Variants in UBXN6 observed in about 807,000 individuals in gnomAD.
UBXN6 encodes UBX domain protein 6.
In UBXN6, 44 loss-of-function variants were observed where a neutral mutation model predicts 51.4. That is an observed-to-expected ratio of 0.86 (90% CI 0.67 to 1.10). The LOEUF is 1.10. UBXN6 is among the 50% of genes least tolerant of loss of function. The pLI is 0.00. For synonymous variants in UBXN6, 316 were observed against 263.2 expected, an observed-to-expected ratio of 1.20 and a Z score of -1.94; for missense variants, 672 against 596.1, an observed-to-expected ratio of 1.13 and a Z score of -1.32.
rs1599670466 is a variant in UBXN6 at position 4,445,059 on chromosome 19, T to C, written c.*439A>G. ...TTATGATTTACTAACTGCAGGTCTA[T>C]GTGCAGGAAGGCCAGCATCCCCTCC... On this transcript the variant is annotated 3_prime_UTR_variant, in exon 11 of 11. Transcript: ENST00000301281. The C allele has an allele frequency of 5.6e-6, 1 of 179,242 alleles. No individual in the cohort carries two copies. The highest frequency in any genetic ancestry group is 5.6e-5 in the Admixed American group (1 of 17,854). The allele number at this position is 179,242 out of a possible 1,614,324, so 11.1% of individuals were successfully genotyped here.
chr19:4,457,806 A>T (rs1409036028), upstream of UBXN6: 563 of 575,036 alleles, frequency 9.8e-4, 15 homozygotes, highest in Admixed American at 5.8e-3. Flanking sequence ...AAAAAAAAAA[A>T]AAAAAAAAAA....
intron 1 of UBXN6, among the ~76,000 whole-genome samples, chr19:4,454,629 C>T (rs1341315188): frequency 1.3e-5 from 2 of 152,152 alleles, no homozygotes; most frequent in African/African-American, 4.8e-5. Context: ...GTAGCTCAGG[C>T]TGGTCTCGAA....
At chr19:4,449,349 C>G (rs1465538248) in intron 4 of UBXN6, 1 of 153,014 alleles carries the variant, frequency 6.5e-6, no homozygotes, top group Non-Finnish European at 1.5e-5. Context: ...CACCCCCCAC[C>G]CTCAACTGCA....
In UBXN6 at chr19:4,445,427, G is replaced by C. The variant is rs1414906854; in HGVS notation, c.*71C>G. On this transcript the variant is annotated 3_prime_UTR_variant, in exon 11 of 11. Coordinates refer to ENST00000301281, the MANE Select transcript of UBXN6 (RefSeq NM_025241.3). ...TTTCCAGAGGTGGCTTGGAGGCCCT[G>C]GGGTGGCGGGGAGAGGAACAGGGAG... 2 of 1,598,740 alleles carry C rather than the reference G, an allele frequency of 1.3e-6. No homozygotes were observed. Among genetic ancestry groups the C allele is most frequent in the South Asian group, 2.2e-5 (2 of 89,846 alleles).
intron 6 of UBXN6, 58 bp downstream of exon 6, chr19:4,447,492 T>G (rs1974559382): frequency 6.3e-7 from 1 of 1,597,088 alleles, no homozygotes; most frequent in Non-Finnish European, 8.6e-7. Context: ...CACCGGCTCC[T>G]GCAGGCCAGC....
chr19:4,447,364 T>C lies in UBXN6; in HGVS notation c.615+186A>G, dbSNP rs567775740. On this transcript the variant is annotated intron_variant, in intron 6 of 10. Coordinates refer to ENST00000301281, the MANE Select transcript of UBXN6 (RefSeq NM_025241.3). ...GAATTTGTTGATTTGGGGTGACCGG[T>C]GCATAAAAGTCTTGCTCTCCATCTT... 77 of 621,328 alleles carry C rather than the reference T, an allele frequency of 1.2e-4. No individual in the cohort carries two copies. The South Asian group carries it at 1.4e-3, about 11-fold the overall frequency. The allele number at this position is 621,328 out of a possible 1,614,324, so 38.5% of individuals were successfully genotyped here. A position where few individuals can be genotyped will look rare whatever the true frequency, so the allele number is the denominator to read the frequency against.
Position 4,457,601 on chromosome 19 carries a change from C to T in UBXN6, c.83+14G>A. 6.3e-7 allele frequency: 1 copy of T among 1,589,536 alleles called. No homozygotes were observed. The highest frequency in any genetic ancestry group is 1.4e-5 in the African/African-American group (1 of 71,556). Reference sequence around the variant, plus strand: ...CGCCCCGCAGGGCCTCAAGCCCCTGCGTTCCTCACGCACCCCACGGACTCT... The same window carrying T: ...CGCCCCGCAGGGCCTCAAGCCCCTGTGTTCCTCACGCACCCCACGGACTCT... On this transcript the variant is annotated intron_variant, in intron 1 of 10. Coordinates refer to ENST00000301281, the MANE Select transcript of UBXN6 (RefSeq NM_025241.3).
chr19:4,447,013 G>A, intron 6 of UBXN6, 93 bp from the exon 7 acceptor site: 2 of 1,293,920 alleles, frequency 1.5e-6, no homozygotes, highest in Non-Finnish European at 2.2e-6. Context: ...TCTCGCTATT[G>A]GGAGCAGCTG....
chr19:4,447,840 A>T, intron 5 of UBXN6: 1 of 579,134 alleles, frequency 1.7e-6, no homozygotes, highest in Non-Finnish European at 3.1e-6. Flanking sequence ...CAGGAGCCCC[A>T]CGGAACCCCT....
At chr19:4,448,249 C>G in intron 5 of UBXN6, 69 bp downstream of exon 5, 5 of 1,391,650 alleles carry the variant, frequency 3.6e-6, no homozygotes, top group Non-Finnish European at 4.9e-6. Flanking sequence ...GAGGGGGTGA[C>G]AGCCCCAGTG....
In UBXN6 at chr19:4,446,405, G is replaced by A. The variant is rs148557515; in HGVS notation, c.929C>T (p.Ala310Val). The A allele has an allele frequency of 9.7e-5, 153 of 1,577,950 alleles. 1 individual carries two copies. In the East Asian group the frequency reaches 2.9e-3, roughly 29 times the overall value. Residue 310 changes from alanine (A) to valine (V), a missense_variant, in exon 9 of 11, where the codon GCG (alanine) becomes GTG (valine). Transcript: ENST00000301281. ...IKREQRLRSEAVERLSVLRTK... is the reference protein window; with the variant it reads ...IKREQRLRSEVVERLSVLRTK... The stretch of plus-strand genomic sequence containing the variant: ...CCGCAGCACGCTCAGCCGCTCCACC[G>A]CCTCGGACCTGCACACGCGGGCCAG...
intron 4 of UBXN6, chr19:4,448,846 G>A (rs741923): frequency 0.37 from 71,146 of 193,562 alleles, 13,765 homozygotes; most frequent in Non-Finnish European, 0.43. Context: ...AACCACTCCC[G>A]GGCCTCATGT....
rs760437963 is a variant in UBXN6, at chr19:4,453,485, C to T, written c.285G>A (p.Gly95=). The T allele has an allele frequency of 2.5e-6, 4 of 1,613,884 alleles. No homozygotes were observed. The South Asian group carries it at 4.4e-5, about 18-fold the overall frequency. The change falls in exon 3 of 11, where the codon GGG becomes GGA. Residue 95 remains glycine (G), a synonymous_variant. Transcript: ENST00000301281. ...KELQAEATVS[G]SPEAPGTNVV... is the part of the protein sequence containing the mutation. The stretch of plus-strand genomic sequence containing the variant: ...CGTTGGTCCCTGGGGCCTCGGGGCT[C>T]CCGCTGACGGTGGCTTCGGCTTGAA...
At chr19:4,454,618 T>C (rs1012031778) in intron 1 of UBXN6, among the ~76,000 whole-genome samples, 6 of 152,172 alleles carry the variant, frequency 3.9e-5, no homozygotes, top group African/African-American at 1.4e-4. Flanking sequence ...GGTCTCGCTA[T>C]GTAGCTCAGG....
rs146789207 is a variant in UBXN6, at chr19:4,446,666, T to G, written c.754A>C (p.Ser252Arg). The G allele has an allele frequency of 1.2e-5, 19 of 1,612,024 alleles. No individual in the cohort carries two copies. The change falls in exon 8 of 11, where the codon AGC becomes CGC. Residue 252 changes from serine (S) to arginine (R), a missense_variant. By Grantham distance (110) the Ser-to-Arg change is moderately radical (BLOSUM62 -1). Transcript: ENST00000301281. Reference sequence around the variant, plus strand: ...AGCTGTTCCTTGTGCCTCTCCAGGCTCTGGGGCTGGGCCAAGGTGGTCTCG... The same window carrying G: ...AGCTGTTCCTTGTGCCTCTCCAGGCGCTGGGGCTGGGCCAAGGTGGTCTCG... ...LSETTLAQPQ[S>R]LERHKEQLLA...
At chr19:4,457,466 C>T (rs1328314281) in intron 1 of UBXN6, 149 bp downstream of exon 1, 26 of 423,378 alleles carry the variant, frequency 6.1e-5, no homozygotes, top group African/African-American at 9.4e-5. Flanking sequence ...ACTTCGTCCG[C>T]CCCCGGCGCC....
At position 4,446,484 on chromosome 19, in the gene UBXN6, C is replaced by A. The variant is rs368745334; in HGVS notation, c.920+16G>T. 7.3e-5 allele frequency: 116 copies of A among 1,599,970 alleles called. No individual in the cohort carries two copies. Among genetic ancestry groups the A allele is most frequent in the Non-Finnish European group, 3.5e-5 (41 of 1,175,622 alleles). On this transcript the variant is annotated intron_variant, in intron 8 of 10. Transcript: ENST00000301281. Reference sequence around the variant, plus strand: ...CCCCGCCCCGCCCCACTCTGCTCCGCGGACGTCAGGCCCACCTGAGCCTCT... The same window carrying A: ...CCCCGCCCCGCCCCACTCTGCTCCGAGGACGTCAGGCCCACCTGAGCCTCT...
chr19:4,445,300 C>A lies in UBXN6; in HGVS notation c.*198G>T. 1.2e-6 allele frequency: 1 copy of A among 850,144 alleles called. No individual in the cohort carries two copies. Among genetic ancestry groups the A allele is most frequent in the South Asian group, 1.7e-5 (1 of 60,110 alleles). The allele number at this position is 850,144 out of a possible 1,614,324, so 52.7% of individuals were successfully genotyped here. On this transcript the variant is annotated 3_prime_UTR_variant, in exon 11 of 11. Transcript: ENST00000301281. ...CAGGCCTCTCCCTCGGGGGCTTGGG[C>A]GCATCCCCACAGCCCCCAAGGGATG...
chr19:4,455,368 A>C (rs1323147368), intron 1 of UBXN6: 76 of 890,024 alleles, frequency 8.5e-5, no homozygotes, highest in Non-Finnish European at 9.7e-5. Flanking sequence ...GTCCTCCCAC[A>C]GCTGAGCATC....
Sources: allele counts gnomAD v4.1 joint callset (sites outside exome capture counted in the v4.1 genomes callset), GRCh38; gene constraint gnomAD v4.1.1; transcripts MANE v1.5; gene names NCBI Gene and HGNC (gene_info 2026-07-23, HGNC 2026-07-21).